RASGRF2: variants seen among roughly 807,000 people sequenced by gnomAD.
The protein encoded by RASGRF2 is ras-specific guanine nucleotide-releasing factor 2.
A neutral mutation model predicts 151.0 loss-of-function variants in RASGRF2; 76 were observed. That is an observed-to-expected ratio of 0.50 (90% CI 0.42 to 0.61). RASGRF2 has a LOEUF of 0.61. RASGRF2 is among the 20% of genes least tolerant of loss of function. RASGRF2 has a pLI of 0.00. For synonymous variants in RASGRF2, 504 were observed against 566.5 expected, an observed-to-expected ratio of 0.89 and a Z score of 1.57; for missense variants, 1,148 against 1,564.6, an observed-to-expected ratio of 0.73 and a Z score of 4.49.
At chr5:81,188,305 G>T (rs1397741298) in intron 18 of RASGRF2, among the ~76,000 whole-genome samples, 1 of 152,224 alleles carries the variant, frequency 6.6e-6, no homozygotes, top group Non-Finnish European at 1.5e-5. Context: ...CCTCTCTGCT[G>T]TGAATAGGGC....
intron 17 of RASGRF2, among the ~76,000 whole-genome samples, chr5:81,166,019 T>C (rs970262098): frequency 5.3e-5 from 8 of 152,138 alleles, no homozygotes; most frequent in African/African-American, 2.4e-5. Context: ...AGAGACAAGA[T>C]GGGATTGTAG....
chr5:81,113,743 A>T lies in RASGRF2; in HGVS notation c.2293A>T (p.Ser765Cys), dbSNP rs767610994. 1 of 1,614,132 alleles carries T rather than the reference A, an allele frequency of 6.2e-7. No individual in the cohort carries two copies. Among genetic ancestry groups the T allele is most frequent in the Non-Finnish European group, 8.5e-7 (1 of 1,180,004 alleles). Reference protein sequence around the residue: ...IGALDLTTSSSPTTTTQSPAA... With the variant: ...IGALDLTTSSCPTTTTQSPAA... Reference sequence around the variant, plus strand: ...AGCATTGGACCTGACAACTTCCAGCAGTCCCACCACCACCACCCAGAGTCC... The same window carrying T: ...AGCATTGGACCTGACAACTTCCAGCTGTCCCACCACCACCACCCAGAGTCC... Residue 765 changes from serine (S) to cysteine (C), a missense_variant, in exon 15 of 27, where the codon AGT becomes TGT. Coordinates refer to ENST00000265080, the MANE Select transcript of RASGRF2 (RefSeq NM_006909.3).
intron 18 of RASGRF2, among the ~76,000 whole-genome samples, chr5:81,188,740 A>G (rs1010130822): frequency 2.0e-5 from 3 of 152,206 alleles, no homozygotes; most frequent in African/African-American, 4.8e-5. Context: ...TGCTTTACAG[A>G]TGGGGAAATG....
rs575647502 is a variant in RASGRF2 at position 81,116,066 on chromosome 5, C to CTTTTTTTTTTTTTTTTT, written c.2470+2164_2470+2180dup. Among the ~76,000 whole-genome samples the CTTTTTTTTTTTTTTTTT allele has an allele frequency of 4.1e-5, 2 of 49,042 alleles. 1 individual carries two copies. 32.2% of individuals were successfully genotyped at this position (49,042 alleles called of 152,430 possible). On this transcript the variant is annotated intron_variant, in intron 15 of 26. Coordinates refer to ENST00000265080, the MANE Select transcript of RASGRF2 (RefSeq NM_006909.3). ...TAATCACTAGTGGTGAATGCCATTT[C>CTTTTTTTTTTTTTTTTT]TTTTTTTTTTTTTTTTTTTTTTTTT...
intron 2 of RASGRF2, among the ~76,000 whole-genome samples, chr5:81,062,233 A>G (rs1441701205): frequency 1.3e-5 from 2 of 152,152 alleles, no homozygotes; most frequent in Non-Finnish European, 2.9e-5. Context: ...AATTTTAGCC[A>G]GTGTGATTGA....
chr5:81,200,703 A>C (rs1406275746), intron 18 of RASGRF2, among the ~76,000 whole-genome samples: 2 of 152,194 alleles, frequency 1.3e-5, no homozygotes, highest in Non-Finnish European at 2.9e-5. Flanking sequence ...CTTTCAATGG[A>C]ATACAGGGAG....
At chr5:80,969,020 G>A (rs1262023621) in intron 1 of RASGRF2, among the ~76,000 whole-genome samples, 1 of 149,808 alleles carries the variant, frequency 6.7e-6, no homozygotes, top group African/African-American at 2.5e-5. Flanking sequence ...GGTGTAAAGT[G>A]TTTTCATGAT....
intron 17 of RASGRF2, among the ~76,000 whole-genome samples, chr5:81,178,802 C>T (rs1413105159): frequency 1.3e-5 from 2 of 151,988 alleles, no homozygotes; most frequent in Admixed American, 1.3e-4. Flanking sequence ...GCAGTGGCGC[C>T]GTCTTGGCTC....
rs565609179 is a variant in RASGRF2, at chr5:81,182,388, T to C, written c.2793+2107T>C. 3.3e-5 allele frequency among the ~76,000 whole-genome samples: 5 copies of C among 152,342 alleles called. No individual in the cohort carries two copies. In the East Asian group the frequency reaches 7.7e-4, roughly 23 times the overall value. The stretch of plus-strand genomic sequence containing the variant: ...GGTTATCAATGCCCTGGTGCAACCT[T>C]GTCATGTGAATCTCCTGTCACCTTC... On this transcript the variant is annotated intron_variant, in intron 18 of 26. Transcript: ENST00000265080.
At chr5:81,210,702 G>A (rs1411231116) in intron 22 of RASGRF2, among the ~76,000 whole-genome samples, 1 of 152,124 alleles carries the variant, frequency 6.6e-6, no homozygotes. Context: ...CCTTACCTTA[G>A]GGATATGGTC....
intron 18 of RASGRF2, among the ~76,000 whole-genome samples, chr5:81,195,046 C>T (rs534129749): frequency 6.6e-6 from 1 of 152,368 alleles, no homozygotes; most frequent in East Asian, 1.9e-4. Context: ...CTAAATTAGA[C>T]GCTGTTGCTT....
chr5:80,964,068 C>A (rs753127528), intron 1 of RASGRF2, among the ~76,000 whole-genome samples: 4 of 150,876 alleles, frequency 2.7e-5, no homozygotes, highest in African/African-American at 9.8e-5. Context: ...AGTCACTTTC[C>A]AAATATGCTT....
At chr5:81,225,543 A>C (rs910069141) in intron 26 of RASGRF2, 135 bp from the exon 27 acceptor site, 1 of 1,338,442 alleles carries the variant, frequency 7.5e-7, no homozygotes. Flanking sequence ...CAATGGAAAC[A>C]TATTTATGAT....
At chr5:81,132,330 C>G (rs1428735068) in intron 17 of RASGRF2, among the ~76,000 whole-genome samples, 1 of 152,080 alleles carries the variant, frequency 6.6e-6, no homozygotes, top group African/African-American at 2.4e-5. Context: ...ACTGTACTGT[C>G]CATATATTTT....
intron 12 of RASGRF2, among the ~76,000 whole-genome samples, chr5:81,102,751 T>G (rs974029393): frequency 6.6e-6 from 1 of 151,882 alleles, no homozygotes; most frequent in Non-Finnish European, 1.5e-5. Context: ...ATCAGACTTA[T>G]TCACATGGTG....
intron 5 of RASGRF2, among the ~76,000 whole-genome samples, chr5:81,073,852 C>T (rs1438818396): frequency 2.0e-5 from 3 of 152,118 alleles, no homozygotes; most frequent in East Asian, 1.9e-4. Context: ...CTCCTGACCT[C>T]GTGATCTGCC....
intron 1 of RASGRF2, among the ~76,000 whole-genome samples, chr5:81,042,589 A>G (rs145812995): frequency 1.8e-4 from 27 of 152,368 alleles, no homozygotes; most frequent in Non-Finnish European, 2.2e-4. Flanking sequence ...ATTTATCTGC[A>G]TAGCCGAATT....
chr5:81,070,520 G>A lies in RASGRF2; in HGVS notation c.572G>A (p.Arg191Gln), dbSNP rs1751739471. 1 of 1,610,322 alleles carries A rather than the reference G, an allele frequency of 6.2e-7. No individual in the cohort carries two copies. The highest frequency in any genetic ancestry group is 8.5e-7 in the Non-Finnish European group (1 of 1,176,800). ...ATTGCTCTTAATAAAACCAAAGAAC[G>A]AATGCGACCTTACCAAAGCAACCAA... ...EIIALNKTKE[R>Q]MRPYQSNQED... The change falls in exon 4 of 27, where the codon CGA becomes CAA. Residue 191 changes from arginine to glutamine, a missense_variant. Physicochemically the swap from Arg to Gln is conservative, Grantham distance 43 (BLOSUM62 1). This residue lies in a region of RASGRF2 where 221 missense variants were observed against 271.3 expected (regional missense o/e 0.81). Transcript: ENST00000265080.
At chr5:81,142,406 C>T (rs184905417) in intron 17 of RASGRF2, among the ~76,000 whole-genome samples, 8 of 152,284 alleles carry the variant, frequency 5.3e-5, no homozygotes, top group African/African-American at 1.9e-4. Flanking sequence ...TTTCTGAATG[C>T]AATTCTCTAT....
Sources: gnomAD v4.1 joint callset for allele counts (sites outside exome capture counted in the v4.1 genomes callset) on GRCh38, gnomAD v4.1.1 for gene constraint, gnomAD v4.1.1 regional missense constraint, MANE v1.5 for transcripts, NCBI Gene and HGNC (gene_info 2026-07-23, HGNC 2026-07-21) for gene names.